AGBL4: variants seen among roughly 807,000 people sequenced by gnomAD.
AGBL4 encodes the protein AGBL carboxypeptidase 4.
AGBL4 carries 58 observed loss-of-function variants against 66.4 expected under a neutral mutation model. The ratio of observed to expected loss-of-function variants is 0.87; its 90% CI spans 0.71 to 1.09. The LOEUF (loss-of-function observed/expected upper bound fraction) is 1.09. AGBL4 is among the 50% of genes least tolerant of loss of function. AGBL4 has a pLI of 0.00. For missense variants in AGBL4, 579 were observed against 631.0 expected (o/e 0.92, Z 0.88); for synonymous variants, 234 against 222.9 (o/e 1.05, Z -0.44).
intron 2 of AGBL4, among the ~76,000 whole-genome samples, chr1:49,729,462 T>C (rs1649266559): frequency 6.6e-6 from 1 of 151,994 alleles, no homozygotes; most frequent in African/African-American, 2.4e-5. Context: ...AAAATACAGA[T>C]GAGAAGATGT....
chr1:49,641,903 C>A (rs567756492), intron 3 of AGBL4, among the ~76,000 whole-genome samples: 1 of 152,048 alleles, frequency 6.6e-6, no homozygotes, highest in South Asian at 2.1e-4. Flanking sequence ...AACTTCTAAG[C>A]CACATTGCTA....
intron 1 of AGBL4, among the ~76,000 whole-genome samples, chr1:50,023,479 G>A (rs567993595): frequency 6.6e-6 from 1 of 152,256 alleles, no homozygotes; most frequent in East Asian, 1.9e-4. Flanking sequence ...CCAGGATTAA[G>A]ATCCTGTCTC....
chr1:49,755,178 C>T (rs1356663182), intron 2 of AGBL4, among the ~76,000 whole-genome samples: 2 of 152,184 alleles, frequency 1.3e-5, no homozygotes, highest in African/African-American at 4.8e-5. Context: ...GTTATCTCCT[C>T]TAATGGTCAT....
intron 4 of AGBL4, among the ~76,000 whole-genome samples, chr1:49,216,261 T>G (rs1196818618): frequency 6.6e-6 from 1 of 152,132 alleles, no homozygotes; most frequent in African/African-American, 2.4e-5. Flanking sequence ...TTTTATTCAT[T>G]TTTTTCTAAT....
chr1:49,985,677 T>TA (rs750500552), intron 1 of AGBL4, among the ~76,000 whole-genome samples: 58 of 152,272 alleles, frequency 3.8e-4, no homozygotes, highest in Non-Finnish European at 5.3e-4. Context: ...CAGCTCTTCA[T>TA]AAAAAATTAC....
intron 4 of AGBL4, among the ~76,000 whole-genome samples, chr1:49,222,184 T>C (rs1649549505): frequency 6.6e-6 from 1 of 152,162 alleles, no homozygotes; most frequent in Non-Finnish European, 1.5e-5. Context: ...TGTCTTTATG[T>C]ATGTACTATA....
At chr1:49,521,832 T>C (rs2148800913) in intron 3 of AGBL4, among the ~76,000 whole-genome samples, 1 of 152,044 alleles carries the variant, frequency 6.6e-6, no homozygotes, top group Non-Finnish European at 1.5e-5. Flanking sequence ...CTAAAGAGTG[T>C]CTTCACAGCA....
chr1:48,984,631 C>A (rs1250149184), intron 5 of AGBL4, among the ~76,000 whole-genome samples: 1 of 150,542 alleles, frequency 6.6e-6, no homozygotes, highest in African/African-American at 2.4e-5. Flanking sequence ...TACTGTTTAA[C>A]CTAATATTTT....
At chr1:49,207,010 G>A (rs1435409077) in intron 4 of AGBL4, among the ~76,000 whole-genome samples, 3 of 152,026 alleles carry the variant, frequency 2.0e-5, no homozygotes, top group Non-Finnish European at 4.4e-5. Context: ...AATCTGGGGA[G>A]AGCTTATGAT....
intron 5 of AGBL4, among the ~76,000 whole-genome samples, chr1:48,996,346 A>G (rs1660990561): frequency 6.6e-6 from 1 of 152,178 alleles, no homozygotes; most frequent in Non-Finnish European, 1.5e-5. Context: ...TTATGTGGAA[A>G]ATGAGTATAG....
intron 4 of AGBL4, among the ~76,000 whole-genome samples, chr1:49,074,781 C>G (rs1644678519): frequency 6.6e-6 from 1 of 152,180 alleles, no homozygotes; most frequent in South Asian, 2.1e-4. Flanking sequence ...GAGCTAACAT[C>G]TCATTACTAG....
rs1651168058 is a variant in AGBL4 at position 49,914,325 on chromosome 1, T to C, written c.35-62807A>G. ...ATCCTTGTTCATCACTCCTAAGTTC[T>C]GCATTCCACAAAGCCAAGAGGAAGT... On this transcript the variant is annotated intron_variant, in intron 1 of 13. Coordinates refer to ENST00000371839, the MANE Select transcript of AGBL4 (RefSeq NM_032785.4). 2.6e-5 allele frequency among the ~76,000 whole-genome samples: 4 copies of C among 152,242 alleles called. No individual in the cohort carries two copies. In the South Asian group the frequency reaches 8.3e-4, roughly 31 times the overall value.
chr1:49,180,584 G>A (rs1316508328), intron 4 of AGBL4, among the ~76,000 whole-genome samples: 1 of 152,064 alleles, frequency 6.6e-6, no homozygotes, highest in African/African-American at 2.4e-5. Context: ...TATTGAATTG[G>A]GTCTCCATTT....
At chr1:48,891,164 A>T (rs888685814) in intron 5 of AGBL4, among the ~76,000 whole-genome samples, 1 of 152,208 alleles carries the variant, frequency 6.6e-6, no homozygotes, top group Middle Eastern at 3.2e-3. Flanking sequence ...TGCCATGAAG[A>T]AATGCTCCCT....
At chr1:49,496,000 A>T (rs1263502370) in intron 3 of AGBL4, among the ~76,000 whole-genome samples, 1 of 152,044 alleles carries the variant, frequency 6.6e-6, no homozygotes, top group African/African-American at 2.4e-5. Context: ...CACTGGAGGG[A>T]AGAATTAGTG....
At position 49,186,164 on chromosome 1, in the gene AGBL4, T is replaced by A. The variant is rs181732570; in HGVS notation, c.377+59606A>T. ...AGTAACCAGCTTGTTGAGCAAATGC[T>A]CCCCAACACCCTGCCTCCCCTATGC... On this transcript the variant is annotated intron_variant, in intron 4 of 13. Coordinates refer to ENST00000371839, the MANE Select transcript of AGBL4 (RefSeq NM_032785.4). Among the ~76,000 whole-genome samples the A allele has an allele frequency of 4.3e-4, 65 of 152,256 alleles. No homozygotes were observed. In the East Asian group the frequency reaches 6.8e-3, roughly 16 times the overall value.
chr1:49,912,507 G>A (rs35653791), intron 1 of AGBL4, among the ~76,000 whole-genome samples: 14 of 152,090 alleles, frequency 9.2e-5, no homozygotes, highest in African/African-American at 1.4e-4. Context: ...TTTAATCTTC[G>A]CAACAACCCT....
At chr1:48,528,991 T>A (rs971791237), downstream of AGBL4, among the ~76,000 whole-genome samples, 1 of 151,914 alleles carries the variant, frequency 6.6e-6, no homozygotes, top group Non-Finnish European at 1.5e-5. Context: ...TTGTTCAGAG[T>A]CCCAACTTCC....
At chr1:48,639,459 A>G (rs1645720568) in intron 8 of AGBL4, among the ~76,000 whole-genome samples, 1 of 152,202 alleles carries the variant, frequency 6.6e-6, no homozygotes, top group Non-Finnish European at 1.5e-5. Context: ...ATGGAATGCT[A>G]TACTTCACTC....
Sources: allele counts gnomAD v4.1 joint callset (sites outside exome capture counted in the v4.1 genomes callset), GRCh38; gene constraint gnomAD v4.1.1; transcripts MANE v1.5; gene names NCBI Gene and HGNC (gene_info 2026-07-23, HGNC 2026-07-21).